The following CCDC157 variants were observed in gnomAD, a reference collection of about 807,000 sequenced individuals.
CCDC157 encodes the protein coiled-coil domain-containing protein 157.
Under a neutral mutation model 70.9 loss-of-function variants are expected in CCDC157, and 60 were observed. That is an observed-to-expected ratio of 0.85 (90% CI 0.69 to 1.05). The LOEUF (loss-of-function observed/expected upper bound fraction) is 1.05. Among genes scored for constraint, CCDC157 ranks in the 50% least tolerant of loss-of-function variants. The pLI is 0.00. For missense variants in CCDC157, 943 were observed against 984.2 expected, an observed-to-expected ratio of 0.96 and a Z score of 0.56; for synonymous variants, 373 against 422.4, an observed-to-expected ratio of 0.88 and a Z score of 1.43.
At chr22:30,369,339 G>A in intron 3 of CCDC157, 93 bp from the exon 4 acceptor site, 1 of 1,168,090 alleles carries the variant, frequency 8.6e-7, no homozygotes, top group Non-Finnish European at 1.1e-6. Context: ...TTGATGCCTG[G>A]GCCAGTTCCC....
chr22:30,362,825 C>T (rs769018088), intron 2 of CCDC157, among the ~76,000 whole-genome samples: 3 of 152,086 alleles, frequency 2.0e-5, no homozygotes, highest in Non-Finnish European at 4.4e-5. Flanking sequence ...AATGCCTAGT[C>T]GAGGGCTAAG....
chr22:30,358,000 A>T (rs1932044633), intron 1 of CCDC157, among the ~76,000 whole-genome samples: 1 of 152,142 alleles, frequency 6.6e-6, no homozygotes. Context: ...TCACAGATGC[A>T]GCCCTGCAAG....
intron 6 of CCDC157, 75 bp downstream of exon 6, chr22:30,371,802 T>G: frequency 1.3e-5 from 17 of 1,309,520 alleles, no homozygotes; most frequent in South Asian, 2.4e-5. Flanking sequence ...CGTCCATCTC[T>G]GTCCCCTGAG....
chr22:30,374,048 G>A lies in CCDC157; in HGVS notation c.1629G>A (p.Val543=), dbSNP rs962981785. The A allele has an allele frequency of 2.5e-6, 4 of 1,605,894 alleles. No individual in the cohort carries two copies. The African/African-American group carries it at 5.3e-5, about 21-fold the overall frequency. The change falls in exon 9 of 12, where the codon GTG becomes GTA. Residue 543 remains valine, a synonymous_variant. Transcript: ENST00000338306. ...TGAAGGAGCGGGAGCGGCTGCTGGT[G>A]GCCTTCCCAGACCTGCACAGGCCCA... is the stretch of plus-strand genomic sequence containing the variant. The part of the protein sequence containing the change: ...EELKERERLL[V]AFPDLHRPTE...
At position 30,372,129 on chromosome 22, in the gene CCDC157, G is replaced by GGCAGGTGCAGCAGCTGGAGGA. The variant is rs752824336; in HGVS notation, c.1192_1212dup (p.Glu400_Glu406dup). On this transcript the variant is annotated inframe_insertion, in exon 7 of 12. Coordinates refer to ENST00000338306, the MANE Select transcript of CCDC157 (RefSeq NM_001017437.5). ...GGTGAGCGCAGGGCGGCAGCGGAGA[G>GGCAGGTGCAGCAGCTGGAGGA]GCAGGTGCAGCAGCTGGAGGAGCAG... The GGCAGGTGCAGCAGCTGGAGGA allele has an allele frequency of 8.4e-6, 13 of 1,555,182 alleles. No individual in the cohort carries two copies. The highest frequency in any genetic ancestry group is 4.1e-5 in the African/African-American group (3 of 73,298).
rs1366345300 is a variant in CCDC157 at position 30,371,718 on chromosome 22, C to T, written c.1114C>T (p.Gln372Ter). Residue 372 changes from glutamine (Q) to a stop codon, truncating the protein, a stop_gained, in exon 6 of 12, where the codon CAG becomes TAG. Coordinates refer to ENST00000338306, the MANE Select transcript of CCDC157 (RefSeq NM_001017437.5). LOFTEE classifies it high-confidence loss of function. ...RELKQQREST[Q>*]AVEAKAQQLQ... The stretch of plus-strand genomic sequence containing the variant: ...ACTGAAACAGCAGCGGGAGTCCACA[C>T]AGGCTGTGGGTAAGGAGCCCCATCA... 1.9e-5 allele frequency: 30 copies of T among 1,613,678 alleles called. No individual in the cohort carries two copies. The highest frequency in any genetic ancestry group is 2.5e-5 in the Non-Finnish European group (29 of 1,179,700).
chr22:30,375,656 G>A lies in CCDC157; in HGVS notation c.1850G>A (p.Gly617Asp). The A allele has an allele frequency of 6.2e-7, 1 of 1,612,530 alleles. No individual in the cohort carries two copies. Among genetic ancestry groups the A allele is most frequent in the African/African-American group, 1.3e-5 (1 of 75,002 alleles). The change falls in exon 10 of 12, where the codon GGC becomes GAC. Residue 617 changes from glycine (G) to aspartate (D), a missense_variant. Gly to Asp is a moderately conservative substitution (Grantham distance 94, BLOSUM62 -1). Transcript: ENST00000338306. ...SKIREVAQQG[G>D]LKLIPQDRLW... is the part of the protein sequence containing the mutation. ...ATCCGGGAAGTGGCCCAGCAGGGTGGCCTCAAGGTGGGCCTGAGAGGGCGG... is the reference window on the plus strand; with the variant it reads ...ATCCGGGAAGTGGCCCAGCAGGGTGACCTCAAGGTGGGCCTGAGAGGGCGG...
At position 30,370,450 on chromosome 22, in the gene CCDC157, A is replaced by G. The variant is rs116038577; in HGVS notation, c.545A>G (p.Gln182Arg). ...KPSSPVLGLP[Q>R]TCQEPESIPV... ...TCCTCCCCAGTGCTAGGCTTGCCCCAGACCTGCCAAGAGCCAGAGAGCATC... is the reference window on the plus strand; with the variant it reads ...TCCTCCCCAGTGCTAGGCTTGCCCCGGACCTGCCAAGAGCCAGAGAGCATC... The change falls in exon 5 of 12, where the codon CAG (glutamine) becomes CGG (arginine). Residue 182 changes from glutamine to arginine, a missense_variant. Coordinates refer to ENST00000338306, the MANE Select transcript of CCDC157 (RefSeq NM_001017437.5). 596 of 1,614,114 alleles carry G rather than the reference A, an allele frequency of 3.7e-4. 2 individuals carry two copies. The African/African-American group carries it at 7.5e-3, about 20-fold the overall frequency.
chr22:30,371,857 C>G (rs1257593908), intron 6 of CCDC157, 130 bp downstream of exon 6: 3 of 876,884 alleles, frequency 3.4e-6, no homozygotes, highest in Non-Finnish European at 5.5e-6. Context: ...GAGGGTGGGC[C>G]TGACCAACCA....
In CCDC157 at chr22:30,377,913, G is replaced by A; in HGVS notation, c.*1168G>A. 1 of 349,446 alleles carries A rather than the reference G, an allele frequency of 2.9e-6. No homozygotes were observed. Among genetic ancestry groups the A allele is most frequent in the Admixed American group, 3.8e-5 (1 of 26,514 alleles). 21.6% of individuals were successfully genotyped at this position (349,446 alleles called of 1,614,324 possible). ...CAGAAGTCCAGGTTCTGTGTGGCTGGGTTTTTTTGCTCCGGGTCCCAGAGG... is the reference window on the plus strand; with the variant it reads ...CAGAAGTCCAGGTTCTGTGTGGCTGAGTTTTTTTGCTCCGGGTCCCAGAGG... On this transcript the variant is annotated 3_prime_UTR_variant, in exon 12 of 12. Coordinates refer to ENST00000338306, the MANE Select transcript of CCDC157 (RefSeq NM_001017437.5).
At chr22:30,374,217 C>A in intron 9 of CCDC157, 126 bp downstream of exon 9, 1 of 1,176,550 alleles carries the variant, frequency 8.5e-7, no homozygotes, top group Non-Finnish European at 1.2e-6. Context: ...AGCCAGGCGG[C>A]CAGCAGCGCA....
chr22:30,368,602 G>A (rs2145906153), intron 3 of CCDC157, among the ~76,000 whole-genome samples: 1 of 152,328 alleles, frequency 6.6e-6, no homozygotes, highest in Non-Finnish European at 1.5e-5. Flanking sequence ...CATGGCAAGT[G>A]CTGTTGTCCC....
rs770380067 is a variant in CCDC157 at position 30,369,597 on chromosome 22, C to T, written c.414C>T (p.Leu138=). 1 of 1,556,112 alleles carries T rather than the reference C, an allele frequency of 6.4e-7. No individual in the cohort carries two copies. The highest frequency in any genetic ancestry group is 8.7e-7 in the Non-Finnish European group (1 of 1,154,092). The change falls in exon 4 of 12, where the codon CTC becomes CTT. Residue 138 remains leucine, a synonymous_variant. Coordinates refer to ENST00000338306, the MANE Select transcript of CCDC157 (RefSeq NM_001017437.5). ...LRLGTLHQQP[L]PQKGANQRET... is the part of the protein sequence containing the mutation. The stretch of plus-strand genomic sequence containing the variant: ...TGGGCACGCTCCACCAGCAGCCACT[C>T]CCCCAGGTGGGTCCCAGCCTCTGTC...
intron 5 of CCDC157, 137 bp from the exon 6 acceptor site, chr22:30,371,513 C>A: frequency 1.4e-6 from 1 of 709,156 alleles, no homozygotes; most frequent in Non-Finnish European, 2.5e-6. Context: ...ACCAGCCTCC[C>A]TAGAGCTCCT....
At chr22:30,357,294 C>A (rs1931958186) in intron 1 of CCDC157, among the ~76,000 whole-genome samples, 162 bp downstream of exon 1, 1 of 152,202 alleles carries the variant, frequency 6.6e-6, no homozygotes, top group African/African-American at 2.4e-5. Flanking sequence ...TCAGGCTCAC[C>A]GCCTAAGAGC....
intron 2 of CCDC157, among the ~76,000 whole-genome samples, chr22:30,362,873 G>C (rs1932448586): frequency 6.6e-6 from 1 of 152,202 alleles, no homozygotes; most frequent in South Asian, 2.1e-4. Flanking sequence ...TCTGAGATGA[G>C]GGTGGTTGGT....
chr22:30,374,183 C>A (rs1228793712), intron 9 of CCDC157, 92 bp downstream of exon 9: 3 of 1,438,192 alleles, frequency 2.1e-6, no homozygotes, highest in Non-Finnish European at 2.8e-6. Context: ...ACTGCAGCTC[C>A]CTAGCCTGCA....
chr22:30,374,403 G>A (rs1455282602), intron 9 of CCDC157: 1 of 550,384 alleles, frequency 1.8e-6, no homozygotes, highest in Non-Finnish European at 3.5e-6. Flanking sequence ...GCTAATTCTT[G>A]CTCGACTTCT....
rs1330142259 is a variant in CCDC157, at chr22:30,373,973, T to C, written c.1554T>C (p.Thr518=). 1.9e-6 allele frequency: 3 copies of C among 1,613,022 alleles called. No individual in the cohort carries two copies. The highest frequency in any genetic ancestry group is 1.3e-5 in the African/African-American group (1 of 75,004). The part of the protein sequence containing the change: ...QREKQGLEQA[T]TDLRLTILEL... The stretch of plus-strand genomic sequence containing the variant: ...AGAAGCAAGGCCTGGAGCAGGCGAC[T>C]ACGGACCTGCGGCTAACCATCCTGG... The change falls in exon 9 of 12, where the codon ACT becomes ACC. Residue 518 remains threonine, a synonymous_variant. Coordinates refer to ENST00000338306, the MANE Select transcript of CCDC157 (RefSeq NM_001017437.5).
Sources: allele counts gnomAD v4.1 joint callset (sites outside exome capture counted in the v4.1 genomes callset), GRCh38; gene constraint gnomAD v4.1.1; transcripts MANE v1.5; gene names NCBI Gene and HGNC (gene_info 2026-07-23, HGNC 2026-07-21).